CDK6: variants seen among roughly 807,000 people sequenced by gnomAD.
CDK6 encodes the protein cyclin-dependent kinase 6.
A neutral mutation model predicts 37.1 loss-of-function variants in CDK6; 6 were observed. That is an observed-to-expected ratio of 0.16 (90% CI 0.09 to 0.32). The LOEUF is 0.32. CDK6 is among the 10% of genes least tolerant of loss of function. The pLI is 1.00. For missense variants in CDK6, 224 were observed against 418.9 expected (o/e 0.53, Z 4.06); for synonymous variants, 160 against 161.3 (o/e 0.99, Z 0.06).
chr7:92,826,728 T>C (rs547190538), intron 2 of CDK6, among the ~76,000 whole-genome samples: 1 of 152,186 alleles, frequency 6.6e-6, no homozygotes, highest in Non-Finnish European at 1.5e-5. Flanking sequence ...AGACTTCACA[T>C]GTGTATGCCT....
Position 92,614,984 on chromosome 7 carries a change from G to C in CDK6, c.*156C>G, listed in dbSNP as rs1217138417. On this transcript the variant is annotated 3_prime_UTR_variant, in exon 8 of 8. Coordinates refer to ENST00000424848, the MANE Select transcript of CDK6 (RefSeq NM_001145306.2). ...GCATTGATTTCAAAACAGTAAACTA[G>C]GCGGTTTCCTTGGAGAAGCAGAGCC... 4 of 623,946 alleles carry C rather than the reference G, an allele frequency of 6.4e-6. No individual in the cohort carries two copies. The highest frequency in any genetic ancestry group is 4.8e-5 in the South Asian group (2 of 41,252). 38.7% of individuals were successfully genotyped at this position (623,946 alleles called of 1,614,324 possible).
chr7:92,768,018 T>TA (rs1340291222), intron 3 of CDK6, among the ~76,000 whole-genome samples: 1 of 152,076 alleles, frequency 6.6e-6, no homozygotes, highest in Non-Finnish European at 1.5e-5. Flanking sequence ...AACATTATAA[T>TA]AACCAATACT....
intron 7 of CDK6, among the ~76,000 whole-genome samples, chr7:92,616,903 A>T (rs1049915238): frequency 1.3e-5 from 2 of 152,130 alleles, no homozygotes; most frequent in Non-Finnish European, 1.5e-5. Flanking sequence ...AATATGGTTA[A>T]AAAAAAGGTG....
rs954691965 is a variant in CDK6, at chr7:92,835,365, C to G, written c.-368+1113G>C. The stretch of plus-strand genomic sequence containing the variant: ...CCCCCGCAGGGAACTGCGCCTGCTG[C>G]CCCCGCCGGGCCCCGCACTGCCCTG... On this transcript the variant is annotated intron_variant, in intron 1 of 7. Coordinates refer to ENST00000424848, the MANE Select transcript of CDK6 (RefSeq NM_001145306.2). This position sits in a 1 kb window ranked among gnomAD's most constrained non-coding sequence, Gnocchi z 4.2. The G allele has an allele frequency of 2.0e-5, 3 of 151,382 alleles. No individual in the cohort carries two copies. The highest frequency in any genetic ancestry group is 7.3e-5 in the African/African-American group (3 of 41,032). 9.4% of individuals were successfully genotyped at this position (151,382 alleles called of 1,614,324 possible). A position where few individuals can be genotyped will look rare whatever the true frequency, so the allele number is the denominator to read the frequency against.
chr7:92,641,813 T>C (rs1180144499), intron 5 of CDK6, among the ~76,000 whole-genome samples: 2 of 152,144 alleles, frequency 1.3e-5, no homozygotes, highest in Admixed American at 1.3e-4. Context: ...TCTAGTGAGA[T>C]CATTAAATGC....
rs921966396 is a variant in CDK6, at chr7:92,614,176, A to ACAAAAT, written c.*958_*963dup. On this transcript the variant is annotated 3_prime_UTR_variant, in exon 8 of 8. Transcript: ENST00000424848. ...TTCTGACAAATTCCTAAAAACAAAAACAAAATAACAACAACAAACAACAAT... is the reference window on the plus strand; with the variant it reads ...TTCTGACAAATTCCTAAAAACAAAAACAAAATCAAAATAACAACAACAAACAACAAT... 47 of 233,068 alleles carry ACAAAAT rather than the reference A, an allele frequency of 2.0e-4. No homozygotes were observed. Among genetic ancestry groups the ACAAAAT allele is most frequent in the African/African-American group, 1.0e-3 (47 of 45,354 alleles). 14.4% of individuals were successfully genotyped at this position (233,068 alleles called of 1,614,324 possible).
intron 4 of CDK6, among the ~76,000 whole-genome samples, chr7:92,719,368 T>TA (rs924694261): frequency 2.0e-5 from 3 of 151,984 alleles, no homozygotes; most frequent in South Asian, 4.1e-4. Flanking sequence ...GTTACAGATT[T>TA]AAAAAAAAAT....
chr7:92,764,573 C>T (rs376945421), intron 3 of CDK6, among the ~76,000 whole-genome samples: 1 of 152,132 alleles, frequency 6.6e-6, no homozygotes, highest in Non-Finnish European at 1.5e-5. Context: ...CTTGATTTAC[C>T]GTAAGAATCA....
At chr7:92,688,999 T>G (rs889463941) in intron 4 of CDK6, among the ~76,000 whole-genome samples, 1 of 152,148 alleles carries the variant, frequency 6.6e-6, no homozygotes, top group African/African-American at 2.4e-5. Flanking sequence ...TGCTGCCATT[T>G]TTTCCTTGTA....
intron 3 of CDK6, among the ~76,000 whole-genome samples, chr7:92,729,183 C>T (rs569521104): frequency 1.5e-4 from 23 of 152,160 alleles, no homozygotes; most frequent in Non-Finnish European, 2.5e-4. Context: ...GGACTCTCTA[C>T]GTAAGCTTAT....
chr7:92,714,492 G>A (rs1208955928), intron 4 of CDK6, among the ~76,000 whole-genome samples: 2 of 152,142 alleles, frequency 1.3e-5, no homozygotes, highest in Non-Finnish European at 2.9e-5. Context: ...GGGCAATGGG[G>A]AGTCACTGGG....
In CDK6 at chr7:92,609,964, A is replaced by T. The variant is rs1233680871; in HGVS notation, c.*5176T>A. 1 of 230,066 alleles carries T rather than the reference A, an allele frequency of 4.3e-6. No individual in the cohort carries two copies. The highest frequency in any genetic ancestry group is 8.6e-6 in the Non-Finnish European group (1 of 116,216). The allele number at this position is 230,066 out of a possible 1,614,324, so 14.3% of individuals were successfully genotyped here. On this transcript the variant is annotated 3_prime_UTR_variant, in exon 8 of 8. Coordinates refer to ENST00000424848, the MANE Select transcript of CDK6 (RefSeq NM_001145306.2). ...GAAGTTACAGAACATTATAGAGACT[A>T]TTAATCATCCCAAAAAACAAGTGCT...
intron 2 of CDK6, among the ~76,000 whole-genome samples, chr7:92,796,748 T>G (rs527790176): frequency 2.3e-4 from 35 of 152,322 alleles, no homozygotes; most frequent in African/African-American, 8.4e-4. Context: ...AACAGGGCAC[T>G]TTAAAATATT....
chr7:92,828,289 T>G (rs1431644782), intron 2 of CDK6, among the ~76,000 whole-genome samples: 1 of 152,204 alleles, frequency 6.6e-6, no homozygotes, highest in African/African-American at 2.4e-5. Context: ...CATTTATCGT[T>G]ATGTCATTCA....
intron 2 of CDK6, among the ~76,000 whole-genome samples, chr7:92,813,955 T>C (rs932966108): frequency 2.0e-5 from 3 of 152,202 alleles, no homozygotes; most frequent in African/African-American, 4.8e-5. Flanking sequence ...GTGAGTAAAC[T>C]TGAGTATCCC....
At chr7:92,795,927 C>T (rs1163939179) in intron 2 of CDK6, among the ~76,000 whole-genome samples, 2 of 151,968 alleles carry the variant, frequency 1.3e-5, no homozygotes, top group Non-Finnish European at 2.9e-5. Flanking sequence ...GGAGGTCATT[C>T]TACTAAAGCC....
chr7:92,806,109 A>G lies in CDK6; in HGVS notation c.233+26982T>C, dbSNP rs1800718337. 2.6e-5 allele frequency among the ~76,000 whole-genome samples: 4 copies of G among 152,320 alleles called. No individual in the cohort carries two copies. In the South Asian group the frequency reaches 8.3e-4, roughly 32 times the overall value. On this transcript the variant is annotated intron_variant, in intron 2 of 7. Coordinates refer to ENST00000424848, the MANE Select transcript of CDK6 (RefSeq NM_001145306.2). ...TGTTTATTGACCACATATGTTATGT[A>G]TATTACCTTTATTTACCACAATAAA...
At chr7:92,729,791 A>G (rs1397343878) in intron 3 of CDK6, among the ~76,000 whole-genome samples, 1 of 152,196 alleles carries the variant, frequency 6.6e-6, no homozygotes, top group Non-Finnish European at 1.5e-5. Flanking sequence ...TCTGCCACCC[A>G]GGCTGGAGTG....
intron 2 of CDK6, among the ~76,000 whole-genome samples, chr7:92,780,788 CAAA>C (rs1314313654): frequency 1.3e-3 from 192 of 142,456 alleles, no homozygotes; most frequent in African/African-American, 4.7e-3. Flanking sequence ...AACAAAAAAA[CAAA>C]AAACAACAAC....
Sources: gnomAD v4.1 joint callset for allele counts (sites outside exome capture counted in the v4.1 genomes callset) on GRCh38, gnomAD v4.1.1 for gene constraint, Gnocchi (gnomAD v3.1) non-coding constraint, MANE v1.5 for transcripts, NCBI Gene and HGNC (gene_info 2026-07-23, HGNC 2026-07-21) for gene names.